Variants in DLG2 observed in about 807,000 individuals in gnomAD.
DLG2 encodes the protein discs large MAGUK scaffold protein 2, also known as disks large homolog 2.
A neutral mutation model predicts 132.5 loss-of-function variants in DLG2; 45 were observed. The observed-to-expected ratio is 0.34, with a 90% CI of 0.27 to 0.44. The LOEUF (loss-of-function observed/expected upper bound fraction) is 0.44. Ranked by LOEUF, DLG2 falls within the 20% of genes least tolerant of loss-of-function variation. The probability of loss-of-function intolerance (pLI) is 1.00; values close to 1 mark genes in which losing one functional copy is unlikely to be tolerated. For synonymous variants in DLG2, 424 were observed against 419.6 expected, an observed-to-expected ratio of 1.01 and a Z score of -0.13; for missense variants, 1,045 against 1,196.9, an observed-to-expected ratio of 0.87 and a Z score of 1.87.
At chr11:84,925,466 A>G (rs1422444277) in intron 6 of DLG2, among the ~76,000 whole-genome samples, 1 of 152,150 alleles carries the variant, frequency 6.6e-6, no homozygotes, top group Non-Finnish European at 1.5e-5. Flanking sequence ...CTATACCTGT[A>G]GATTTACTGC....
intron 7 of DLG2, among the ~76,000 whole-genome samples, chr11:84,276,307 C>T (rs763115993): frequency 5.3e-5 from 8 of 152,194 alleles, no homozygotes; most frequent in Non-Finnish European, 1.0e-4. Flanking sequence ...TATTATTTTT[C>T]ATTAAGCAAA....
At chr11:83,793,433 T>C (rs1207668613) in intron 17 of DLG2, among the ~76,000 whole-genome samples, 1 of 152,218 alleles carries the variant, frequency 6.6e-6, no homozygotes, top group Non-Finnish European at 1.5e-5. Context: ...CCTTAATCAA[T>C]TGGAATATAC....
intron 6 of DLG2, among the ~76,000 whole-genome samples, chr11:84,913,745 A>T (rs907239102): frequency 1.3e-5 from 2 of 152,200 alleles, no homozygotes; most frequent in Non-Finnish European, 2.9e-5. Context: ...CTGTACTTCT[A>T]TAATTTCTAT....
chr11:85,174,362 T>C (rs751584382), intron 4 of DLG2, among the ~76,000 whole-genome samples: 1 of 152,182 alleles, frequency 6.6e-6, no homozygotes, highest in Non-Finnish European at 1.5e-5. Flanking sequence ...AACCTGCTCC[T>C]GAATGACACT....
intron 7 of DLG2, among the ~76,000 whole-genome samples, chr11:84,505,035 T>C (rs1386346022): frequency 6.6e-6 from 1 of 152,154 alleles, no homozygotes; most frequent in Non-Finnish European, 1.5e-5. Context: ...TGCCAATGGA[T>C]AGGAGCACTG....
At chr11:84,159,011 G>A (rs866243218) in intron 9 of DLG2, among the ~76,000 whole-genome samples, 1 of 152,306 alleles carries the variant, frequency 6.6e-6, no homozygotes, top group African/African-American at 2.4e-5. Flanking sequence ...GAGGTACAGA[G>A]AGGTTAAGTA....
At chr11:83,549,217 T>C (rs2096320689) in intron 19 of DLG2, among the ~76,000 whole-genome samples, 1 of 152,162 alleles carries the variant, frequency 6.6e-6, no homozygotes, top group South Asian at 2.1e-4. Flanking sequence ...CATCCCACTG[T>C]GCCTGGCTTG....
intron 3 of DLG2, among the ~76,000 whole-genome samples, chr11:85,299,303 G>T (rs1290208952): frequency 2.0e-5 from 3 of 152,306 alleles, no homozygotes; most frequent in Admixed American, 2.0e-4. Flanking sequence ...TCACTCCAAA[G>T]CCTGTGGCCT....
intron 3 of DLG2, among the ~76,000 whole-genome samples, chr11:85,570,491 TTCTC>T (rs2077785379): frequency 6.6e-6 from 1 of 152,164 alleles, no homozygotes; most frequent in Admixed American, 6.6e-5. Flanking sequence ...AATGAGTTGC[TTCTC>T]TCTTTCTTCT....
chr11:84,218,354 G>T (rs944189085), intron 8 of DLG2, among the ~76,000 whole-genome samples: 1 of 118,024 alleles, frequency 8.5e-6, no homozygotes, highest in Non-Finnish European at 1.8e-5. Flanking sequence ...GAAGGAAAGA[G>T]AGAGCGAGAG....
chr11:85,161,953 C>T (rs912474747), intron 4 of DLG2, among the ~76,000 whole-genome samples: 10 of 152,282 alleles, frequency 6.6e-5, no homozygotes, highest in East Asian at 1.9e-4. Flanking sequence ...CATGACCCCT[C>T]GTGATCCACT....
chr11:84,899,104 A>G (rs906429462), intron 6 of DLG2, among the ~76,000 whole-genome samples: 6 of 152,060 alleles, frequency 3.9e-5, no homozygotes, highest in Non-Finnish European at 7.4e-5. Context: ...TCACTAAATA[A>G]TCTTCTATAA....
chr11:84,058,145 T>A (rs1467920498), intron 11 of DLG2, among the ~76,000 whole-genome samples: 1 of 152,124 alleles, frequency 6.6e-6, no homozygotes, highest in Non-Finnish European at 1.5e-5. Flanking sequence ...GATGGTAGGC[T>A]TATTTTTTCA....
chr11:83,650,466 G>A (rs1235257699), intron 18 of DLG2, among the ~76,000 whole-genome samples: 2 of 152,226 alleles, frequency 1.3e-5, no homozygotes, highest in African/African-American at 4.8e-5. Flanking sequence ...GTCTTCACGG[G>A]GGACTAGCCT....
chr11:83,809,398 G>A (rs1298887517), intron 17 of DLG2, among the ~76,000 whole-genome samples: 1 of 152,166 alleles, frequency 6.6e-6, no homozygotes, highest in Non-Finnish European at 1.5e-5. Flanking sequence ...CAAGCCTCAA[G>A]TTAGGGTTTT....
intron 7 of DLG2, among the ~76,000 whole-genome samples, chr11:84,502,142 T>TTTCC (rs1198200260): frequency 0.014 from 935 of 68,900 alleles, 132 homozygotes; most frequent in African/African-American, 0.033. Flanking sequence ...TTCTCCTTTC[T>TTTCC]TTCCTTCCTT....
At chr11:85,500,510 G>T (rs2093773992) in intron 3 of DLG2, among the ~76,000 whole-genome samples, 1 of 141,170 alleles carries the variant, frequency 7.1e-6, no homozygotes, top group Non-Finnish European at 1.5e-5. Flanking sequence ...CCTGCACAAT[G>T]TGCACATGTA....
At chr11:85,381,667 T>C (rs936001669) in intron 3 of DLG2, among the ~76,000 whole-genome samples, 3 of 152,096 alleles carry the variant, frequency 2.0e-5, no homozygotes, top group Admixed American at 2.0e-4. Flanking sequence ...GGTTGTAGGA[T>C]ACAAGACTAA....
chr11:85,027,241 T>C (rs2060613717), intron 6 of DLG2, among the ~76,000 whole-genome samples: 1 of 147,628 alleles, frequency 6.8e-6, no homozygotes, highest in African/African-American at 2.5e-5. Context: ...GATATAAAAC[T>C]GTTAAATACA....
Sources: allele counts gnomAD v4.1 joint callset (sites outside exome capture counted in the v4.1 genomes callset), GRCh38; gene constraint gnomAD v4.1.1; transcripts MANE v1.5; gene names NCBI Gene and HGNC (gene_info 2026-07-23, HGNC 2026-07-21).